DLEC1: variants seen among roughly 807,000 people sequenced by gnomAD.
DLEC1 encodes the protein DLEC1 cilia and flagella associated protein, also known as deleted in lung and esophageal cancer protein 1.
A neutral mutation model predicts 198.1 loss-of-function variants in DLEC1; 146 were observed. The ratio of observed to expected loss-of-function variants is 0.74; its 90% CI spans 0.64 to 0.85. The LOEUF is 0.85. Ranked by LOEUF, DLEC1 falls within the 40% of genes least tolerant of loss-of-function variation. The pLI is 0.00. For missense variants in DLEC1, 2,233 were observed against 2,220.0 expected, an observed-to-expected ratio of 1.01 and a Z score of -0.12; for synonymous variants, 897 against 866.8, an observed-to-expected ratio of 1.03 and a Z score of -0.61.
At chr3:38,052,441 A>G (rs1370217493) in intron 2 of DLEC1, 2 of 197,620 alleles carry the variant, frequency 1.0e-5, no homozygotes, top group Non-Finnish European at 2.2e-5. Context: ...AAATCTCCCA[A>G]CAGCCAGAAA....
intron 6 of DLEC1, among the ~76,000 whole-genome samples, chr3:38,065,948 C>T (rs940847705): frequency 2.0e-5 from 3 of 152,166 alleles, no homozygotes; most frequent in Non-Finnish European, 4.4e-5. Flanking sequence ...TGGCTAATTG[C>T]GTTATTGTGG....
In DLEC1 at chr3:38,109,782, C is replaced by T. The variant is rs2073401; in HGVS notation, c.3260+220C>T. 0.081 allele frequency: 67,966 copies of T among 837,322 alleles called. 3,677 individuals carry two copies. The highest frequency in any genetic ancestry group is 0.22 in the East Asian group (8,195 of 37,110). 51.9% of individuals were successfully genotyped at this position (837,322 alleles called of 1,614,324 possible). A position where few individuals can be genotyped will look rare whatever the true frequency, so the allele number is the denominator to read the frequency against. On this transcript the variant is annotated intron_variant, in intron 22 of 36. Coordinates refer to ENST00000308059, the MANE Select transcript of DLEC1 (RefSeq NM_007335.4). ...TGGTCTCCCCACACACACTTGGAGG[C>T]GTGGTGCCCTGGCAGGCAGGAGATG...
chr3:38,053,508 G>A (rs952233608), intron 2 of DLEC1, among the ~76,000 whole-genome samples: 30 of 150,066 alleles, frequency 2.0e-4, no homozygotes, highest in Admixed American at 9.9e-4. Context: ...GAGCCCCTCC[G>A]CCCGGCAGCC....
rs377654373 is a variant in DLEC1 at position 38,120,554 on chromosome 3, G to A, written c.4811G>A (p.Arg1604Lys). The part of the protein sequence containing the change: ...VDIQQSASGE[R>K]EMVFTQNLLL... The stretch of plus-strand genomic sequence containing the variant: ...ATTCAGCAGAGTGCGAGTGGAGAGA[G>A]AGAGATGGTGTTTACTCAGAACCTG... Residue 1604 changes from arginine (R) to lysine (K), a missense_variant, in exon 34 of 37, where the codon AGA (arginine) becomes AAA (lysine). By Grantham distance (26) the Arg-to-Lys change is conservative (BLOSUM62 2). Transcript: ENST00000308059. The A allele has an allele frequency of 1.2e-6, 2 of 1,614,178 alleles. No homozygotes were observed. The highest frequency in any genetic ancestry group is 1.1e-5 in the South Asian group (1 of 91,078).
At chr3:38,047,505 G>A (rs1008054035) in intron 2 of DLEC1, among the ~76,000 whole-genome samples, 3 of 152,090 alleles carry the variant, frequency 2.0e-5, no homozygotes, top group African/African-American at 7.2e-5. Context: ...ATGTTCTTAG[G>A]GGGCAATTAA....
chr3:38,113,347 C>T (rs1345198929), intron 25 of DLEC1, among the ~76,000 whole-genome samples: 1 of 152,184 alleles, frequency 6.6e-6, no homozygotes, highest in African/African-American at 2.4e-5. Flanking sequence ...TAAGGGAATT[C>T]TGCACAGCCT....
intron 2 of DLEC1, among the ~76,000 whole-genome samples, chr3:38,046,603 A>G (rs1700897755): frequency 6.6e-6 from 1 of 152,180 alleles, no homozygotes; most frequent in Non-Finnish European, 1.5e-5. Context: ...ATTTATTCAT[A>G]GCAGTATGAA....
rs556299632 is a variant in DLEC1, at chr3:38,071,612, T to C, written c.1173+7693T>C. ...AAAACTGGCCCTGAGGGACAGAAGTTGGAGAGCTAGCTGCTTGTCTAGCCA... is the reference window on the plus strand; with the variant it reads ...AAAACTGGCCCTGAGGGACAGAAGTCGGAGAGCTAGCTGCTTGTCTAGCCA... On this transcript the variant is annotated intron_variant, in intron 6 of 36. Transcript: ENST00000308059. Among the ~76,000 whole-genome samples the C allele has an allele frequency of 1.8e-3, 271 of 152,318 alleles. 1 individual carries two copies. The highest frequency in any genetic ancestry group is 6.4e-3 in the African/African-American group (264 of 41,572).
chr3:38,086,208 G>A, intron 8 of DLEC1, 33 bp from the exon 9 acceptor site: 2 of 1,587,058 alleles, frequency 1.3e-6, no homozygotes, highest in Non-Finnish European at 1.7e-6. Flanking sequence ...GTGACCTGTT[G>A]TTTCTCTTGC....
In DLEC1 at chr3:38,039,589, G is replaced by C; in HGVS notation, c.364G>C (p.Gly122Arg). ...EVSASLIKAR[G>R]SENERHEEFV... ...GAGCGCAAGCTTGATCAAGGCCCGC[G>C]GCAGCGAGAATGAGCGCCACGAGGA... The change falls in exon 1 of 37, where the codon GGC becomes CGC. Residue 122 changes from glycine to arginine, a missense_variant. By Grantham distance (125) the Gly-to-Arg change is moderately radical. Transcript: ENST00000308059. The C allele has an allele frequency of 1.9e-6, 3 of 1,612,038 alleles. No homozygotes were observed. The highest frequency in any genetic ancestry group is 2.5e-6 in the Non-Finnish European group (3 of 1,178,778).
intron 2 of DLEC1, among the ~76,000 whole-genome samples, chr3:38,057,201 T>G (rs1443442966): frequency 2.0e-5 from 3 of 152,222 alleles, no homozygotes; most frequent in Non-Finnish European, 4.4e-5. Flanking sequence ...TTGAACTACA[T>G]GGATCACAGC....
At chr3:38,064,602 C>A (rs1293955243) in intron 6 of DLEC1, among the ~76,000 whole-genome samples, 2 of 150,788 alleles carry the variant, frequency 1.3e-5, no homozygotes, top group African/African-American at 4.9e-5. Flanking sequence ...AGAGGCTCCC[C>A]CACCACCTCC....
Position 38,039,415 on chromosome 3 carries a change from C to G in DLEC1, c.190C>G (p.Arg64Gly). The G allele has an allele frequency of 4.3e-6, 7 of 1,613,842 alleles. No individual in the cohort carries two copies. The highest frequency in any genetic ancestry group is 5.1e-6 in the Non-Finnish European group (6 of 1,179,824). ...AFHYSFAARP[R>G]RLTQLALAQR... The stretch of plus-strand genomic sequence containing the variant: ...CCACTACAGCTTCGCAGCCCGGCCC[C>G]GCCGCCTCACGCAGCTTGCGCTGGC... The change falls in exon 1 of 37, where the codon CGC becomes GGC. Residue 64 changes from arginine (R) to glycine (G), a missense_variant. Transcript: ENST00000308059.
intron 6 of DLEC1, among the ~76,000 whole-genome samples, chr3:38,075,219 C>T (rs2125642927): frequency 6.6e-6 from 1 of 152,110 alleles, no homozygotes; most frequent in African/African-American, 2.4e-5. Context: ...GGAGGAATCG[C>T]ATTGGGAACA....
intron 21 of DLEC1, 151 bp from the exon 22 acceptor site, chr3:38,109,281 G>C: frequency 2.7e-6 from 3 of 1,102,866 alleles, no homozygotes; most frequent in Middle Eastern, 5.5e-4. Context: ...GGCTGAGGGC[G>C]GGTCGACTGG....
At position 38,112,409 on chromosome 3, in the gene DLEC1, C is replaced by T. The variant is rs1397380343; in HGVS notation, c.3666+48C>T. ...TGGCCTGGGGGGTGGAGAGTCTGCC[C>T]AGCCCTCGCCTTCAGCCTCTCTCCC... On this transcript the variant is annotated intron_variant, in intron 25 of 36. Transcript: ENST00000308059. This position sits in a 1 kb window ranked among gnomAD's most constrained non-coding sequence, Gnocchi z 4.8. 2 of 1,600,426 alleles carry T rather than the reference C, an allele frequency of 1.2e-6. No individual in the cohort carries two copies. The highest frequency in any genetic ancestry group is 2.2e-5 in the East Asian group (1 of 44,534).
chr3:38,084,164 A>T lies in DLEC1; in HGVS notation c.1180A>T (p.Ile394Phe), dbSNP rs1698218128. ...TCATCTTACCTTTCAACAGATGGTAATTGCGCTGCAGAACACCACCACGAC... is the reference window on the plus strand; with the variant it reads ...TCATCTTACCTTTCAACAGATGGTATTTGCGCTGCAGAACACCACCACGAC... ...YEIGPVYEMVIALQNTTTTSR... is the reference protein window; with the variant it reads ...YEIGPVYEMVFALQNTTTTSR... The change falls in exon 7 of 37, where the codon ATT becomes TTT. Residue 394 changes from isoleucine (I) to phenylalanine (F), a missense_variant. Coordinates refer to ENST00000308059, the MANE Select transcript of DLEC1 (RefSeq NM_007335.4). 1.9e-6 allele frequency: 3 copies of T among 1,612,876 alleles called. No homozygotes were observed. Among genetic ancestry groups the T allele is most frequent in the African/African-American group, 2.7e-5 (2 of 74,868 alleles).
At chr3:38,079,159 T>C (rs1697811780) in intron 6 of DLEC1, among the ~76,000 whole-genome samples, 1 of 151,990 alleles carries the variant, frequency 6.6e-6, no homozygotes, top group South Asian at 2.1e-4. Context: ...CAAAGGAGGC[T>C]TTGGATTGGG....
Position 38,039,390 on chromosome 3 carries a change from C to T in DLEC1, c.165C>T (p.Phe55=). Residue 55 remains phenylalanine (F), a synonymous_variant, in exon 1 of 37, where the codon TTC becomes TTT. Transcript: ENST00000308059. The stretch of plus-strand genomic sequence containing the variant: ...CCTCCCTCGCCTACTCTGAGGCCTT[C>T]CACTACAGCTTCGCAGCCCGGCCCC... ...LYSSLAYSEA[F]HYSFAARPRR... 1 of 1,614,170 alleles carries T rather than the reference C, an allele frequency of 6.2e-7. No homozygotes were observed. Among genetic ancestry groups the T allele is most frequent in the South Asian group, 1.1e-5 (1 of 91,084 alleles).
Sources: allele counts gnomAD v4.1 joint callset (sites outside exome capture counted in the v4.1 genomes callset), GRCh38; gene constraint gnomAD v4.1.1; non-coding constraint Gnocchi (gnomAD v3.1); transcripts MANE v1.5; gene names NCBI Gene and HGNC (gene_info 2026-07-23, HGNC 2026-07-21).